Variants in THBS4 observed in about 807,000 individuals in gnomAD.
THBS4 encodes thrombospondin 4.
A neutral mutation model predicts 115.7 loss-of-function variants in THBS4; 90 were observed. That is an observed-to-expected ratio of 0.78 (90% CI 0.66 to 0.93). The LOEUF (loss-of-function observed/expected upper bound fraction) is 0.93. Ranked by LOEUF, THBS4 falls within the 40% of genes least tolerant of loss-of-function variation. The pLI is 0.00. For synonymous variants in THBS4, 460 were observed against 479.3 expected (o/e 0.96, Z 0.53); for missense variants, 1,087 against 1,232.7 (o/e 0.88, Z 1.77).
chr5:79,998,663 A>T (rs767829630), intron 2 of THBS4, among the ~76,000 whole-genome samples: 1 of 152,252 alleles, frequency 6.6e-6, no homozygotes, highest in African/African-American at 2.4e-5. Context: ...AATTGGGGGA[A>T]ACATCCCTGT....
chr5:80,025,964 C>T (rs1368373570), intron 2 of THBS4, among the ~76,000 whole-genome samples: 1 of 152,150 alleles, frequency 6.6e-6, no homozygotes, highest in Non-Finnish European at 1.5e-5. Flanking sequence ...TGGCAGAACT[C>T]CACAGGGAAA....
intron 2 of THBS4, among the ~76,000 whole-genome samples, chr5:80,015,862 T>C (rs1040210065): frequency 6.6e-6 from 1 of 152,246 alleles, no homozygotes; most frequent in African/African-American, 2.4e-5. Context: ...AGGTATCTTT[T>C]ACGAGGTGAG....
At chr5:80,003,777 G>A (rs1358111658) in intron 2 of THBS4, among the ~76,000 whole-genome samples, 2 of 152,172 alleles carry the variant, frequency 1.3e-5, no homozygotes, top group African/African-American at 4.8e-5. Context: ...TTATGTTACT[G>A]TATAATTTAC....
At chr5:80,065,602 T>C in intron 9 of THBS4, 125 bp downstream of exon 9, 1 of 780,960 alleles carries the variant, frequency 1.3e-6, no homozygotes, top group African/African-American at 1.8e-5. Flanking sequence ...ATTGGCAGAA[T>C]AAAGGCAAAA....
intron 2 of THBS4, among the ~76,000 whole-genome samples, chr5:80,006,870 A>G (rs1832028623): frequency 6.6e-6 from 1 of 152,366 alleles, no homozygotes; most frequent in East Asian, 1.9e-4. Context: ...AATTACACTT[A>G]TACCCCATAT....
intron 15 of THBS4, 65 bp downstream of exon 15, chr5:80,073,392 T>C: frequency 6.7e-7 from 1 of 1,501,348 alleles, no homozygotes; most frequent in Non-Finnish European, 9.1e-7. Context: ...TTTGGTTTGT[T>C]TTTTTTTTTG....
upstream of THBS4, among the ~76,000 whole-genome samples, chr5:80,032,818 T>G (rs1186914166): frequency 2.0e-5 from 3 of 152,112 alleles, no homozygotes; most frequent in Non-Finnish European, 4.4e-5. Context: ...CCTTTCCCAG[T>G]CCACTGACTC....
chr5:80,029,183 G>A (rs375117694), intron 2 of THBS4, among the ~76,000 whole-genome samples: 47 of 152,238 alleles, frequency 3.1e-4, no homozygotes, highest in African/African-American at 1.1e-3. Flanking sequence ...TAATTTTCGT[G>A]TATTTTGCAA....
chr5:80,064,810 A>G (rs1833757359), intron 8 of THBS4, among the ~76,000 whole-genome samples: 2 of 152,218 alleles, frequency 1.3e-5, no homozygotes, highest in Admixed American at 1.3e-4. Context: ...AACTTTTATC[A>G]ATGGAAAATC....
At chr5:80,050,967 G>C (rs1485812585) in intron 2 of THBS4, among the ~76,000 whole-genome samples, 1 of 152,188 alleles carries the variant, frequency 6.6e-6, no homozygotes, top group Non-Finnish European at 1.5e-5. Flanking sequence ...GTCGGGAGGT[G>C]GGATGGTTCC....
intron 8 of THBS4, among the ~76,000 whole-genome samples, chr5:80,064,134 A>G (rs1220795206): frequency 1.3e-5 from 2 of 152,260 alleles, no homozygotes; most frequent in Non-Finnish European, 2.9e-5. Flanking sequence ...GAAACAACAA[A>G]GAAGCTCTTT....
rs753007118 is a variant in THBS4, at chr5:80,072,318, T to C, written c.1761T>C (p.Asn587=). The C allele has an allele frequency of 6.2e-7, 1 of 1,614,158 alleles. No homozygotes were observed. The highest frequency in any genetic ancestry group is 8.5e-7 in the Non-Finnish European group (1 of 1,180,010). The change falls in exon 14 of 22, where the codon AAT becomes AAC. Residue 587 remains asparagine (N), a synonymous_variant. Coordinates refer to ENST00000350881, the MANE Select transcript of THBS4 (RefSeq NM_003248.6). ...NILDNCPKFP[N]RDQRDKDGDG... is the part of the protein sequence containing the mutation. ...TGGACAACTGCCCAAAATTTCCCAA[T>C]CGTGACCAACGGGACAAGGATGGTG...
At chr5:80,051,716 T>C (rs1580949311) in intron 2 of THBS4, among the ~76,000 whole-genome samples, 1 of 152,244 alleles carries the variant, frequency 6.6e-6, no homozygotes, top group East Asian at 1.9e-4. Flanking sequence ...AAGCTTTAAA[T>C]ACAATCATTT....
chr5:80,069,907 AT>A, intron 10 of THBS4, among the ~76,000 whole-genome samples: 1 of 152,318 alleles, frequency 6.6e-6, no homozygotes, highest in Non-Finnish European at 1.5e-5. Context: ...CTGTGCTCAC[AT>A]AAGTCTGATT....
chr5:80,054,001 A>G (rs986390420), intron 2 of THBS4, among the ~76,000 whole-genome samples: 5 of 152,162 alleles, frequency 3.3e-5, no homozygotes, highest in African/African-American at 4.8e-5. Context: ...ATAATGGAGT[A>G]AAAAAACAAG....
intron 2 of THBS4, among the ~76,000 whole-genome samples, chr5:79,999,161 T>C (rs1024916030): frequency 2.0e-5 from 3 of 152,244 alleles, no homozygotes; most frequent in African/African-American, 7.2e-5. Context: ...TTAAAACGCT[T>C]TGTTTGAATA....
chr5:80,016,254 A>C (rs1832247705), intron 2 of THBS4, among the ~76,000 whole-genome samples: 1 of 152,176 alleles, frequency 6.6e-6, no homozygotes. Flanking sequence ...ATGTGACTGC[A>C]TACTGTTTTG....
rs143753342 is a variant in THBS4 at position 80,005,915 on chromosome 5, C to T, written n.177+7488C>T. On this transcript the variant is annotated intron_variant and non_coding_transcript_variant, in intron 2 of 3. Coordinates refer to the THBS4 transcript ENST00000510218. ...CCAAGCAGCTGGGACTACAGGTGTG[C>T]GCCATCATGCCCAGCTAATTTTTGT... 4.9e-3 allele frequency among the ~76,000 whole-genome samples: 749 copies of T among 151,696 alleles called. 8 individuals carry two copies. Among genetic ancestry groups the T allele is most frequent in the Middle Eastern group, 0.034 (10 of 294 alleles).
At chr5:80,015,280 T>C (rs1832224501) in intron 2 of THBS4, among the ~76,000 whole-genome samples, 1 of 152,202 alleles carries the variant, frequency 6.6e-6, no homozygotes, top group Non-Finnish European at 1.5e-5. Context: ...AAGAGCTAAG[T>C]AGGGGCTGAG....
Sources: gnomAD v4.1 joint callset for allele counts (sites outside exome capture counted in the v4.1 genomes callset) on GRCh38, gnomAD v4.1.1 for gene constraint, MANE v1.5 for transcripts, NCBI Gene and HGNC (gene_info 2026-07-23, HGNC 2026-07-21) for gene names.